The following DUSP10 variants were observed in gnomAD, a reference collection of about 807,000 sequenced individuals.
DUSP10 encodes dual specificity protein phosphatase 10.
Under a neutral mutation model 30.8 loss-of-function variants are expected in DUSP10, and 14 were observed. That is an observed-to-expected ratio of 0.46 (90% CI 0.30 to 0.71). The LOEUF (loss-of-function observed/expected upper bound fraction) is 0.71. Among genes scored for constraint, DUSP10 ranks in the 30% least tolerant of loss-of-function variants. The probability of loss-of-function intolerance (pLI) is 0.08; values close to 1 mark genes in which losing one functional copy is unlikely to be tolerated. For synonymous variants in DUSP10, 254 were observed against 250.4 expected (o/e 1.01, Z -0.14); for missense variants, 550 against 619.4 (o/e 0.89, Z 1.19).
At position 221,702,615 on chromosome 1, in the gene DUSP10, C is replaced by T. The variant is rs764241442; in HGVS notation, c.1246G>A (p.Ala416Thr). The T allele has an allele frequency of 2.5e-6, 4 of 1,614,072 alleles. No individual in the cohort carries two copies. The highest frequency in any genetic ancestry group is 1.7e-5 in the Admixed American group (1 of 60,012). ...ATCAAGTAAGCGATGACGATGGTGGCGGAGCGGGACACCCCAGCCTGGCAG... is the reference window on the plus strand; with the variant it reads ...ATCAAGTAAGCGATGACGATGGTGGTGGAGCGGGACACCCCAGCCTGGCAG... ...IHCQAGVSRS[A>T]TIVIAYLMKH... The change falls in exon 4 of 4, where the codon GCC (alanine) becomes ACC (threonine). Residue 416 changes from alanine (A) to threonine (T), a missense_variant. By Grantham distance (58) the Ala-to-Thr change is moderately conservative. Transcript: ENST00000366899. The surrounding 1 kb of genome is among the most constrained non-coding windows in gnomAD (Gnocchi z 4.5).
intron 2 of DUSP10, among the ~76,000 whole-genome samples, chr1:221,730,805 A>C (rs1441011347): frequency 1.3e-5 from 2 of 152,086 alleles, no homozygotes; most frequent in East Asian, 3.8e-4. Flanking sequence ...GAATGAAAAA[A>C]AATTACATAT....
chr1:221,721,945 GT>G (rs1661290679), intron 2 of DUSP10, among the ~76,000 whole-genome samples: 3 of 152,204 alleles, frequency 2.0e-5, no homozygotes, highest in Admixed American at 6.5e-5. Context: ...CTTAGATGTG[GT>G]AAGCAGTAAC....
At chr1:221,741,850 CTG>C (rs1661963491) in intron 1 of DUSP10, 129 bp downstream of exon 1, 2 of 152,670 alleles carry the variant, frequency 1.3e-5, no homozygotes, top group African/African-American at 2.4e-5. Context: ...CTTTCTGTCT[CTG>C]TCTCTCTCTC....
At chr1:221,739,956 G>C (rs1266204500) in intron 1 of DUSP10, among the ~76,000 whole-genome samples, 169 bp from the exon 2 acceptor site, 1 of 152,158 alleles carries the variant, frequency 6.6e-6, no homozygotes, top group Non-Finnish European at 1.5e-5. Context: ...ATTCAAAGAG[G>C]ATGCAAACCT....
At chr1:221,729,708 G>A (rs964129241) in intron 2 of DUSP10, among the ~76,000 whole-genome samples, 1 of 152,164 alleles carries the variant, frequency 6.6e-6, no homozygotes, top group Non-Finnish European at 1.5e-5. Context: ...GGGATGATAG[G>A]TTGGTCACAG....
At chr1:221,741,023 C>T (rs1012379569) in intron 1 of DUSP10, among the ~76,000 whole-genome samples, 1 of 152,078 alleles carries the variant, frequency 6.6e-6, no homozygotes, top group Non-Finnish European at 1.5e-5. Context: ...TACACACGAC[C>T]GTCACCATTC....
intron 2 of DUSP10, among the ~76,000 whole-genome samples, chr1:221,713,874 C>T (rs1661017037): frequency 6.6e-6 from 1 of 151,938 alleles, no homozygotes; most frequent in Admixed American, 6.6e-5. Context: ...GATAGGTGGT[C>T]AATTTCTTTT....
intron 2 of DUSP10, among the ~76,000 whole-genome samples, chr1:221,722,335 T>G (rs529858436): frequency 1.2e-4 from 19 of 152,320 alleles, no homozygotes; most frequent in African/African-American, 4.3e-4. Context: ...GTTCTGTACC[T>G]CTTCAGTTGG....
Position 221,741,983 on chromosome 1 carries a change from C to G in DUSP10, c.-46G>C, listed in dbSNP as rs1400887431. ...TAGTCGCGGTGACTTCCACTTACTTCATAAATAAGTGTATTCCTCCACCAT... is the reference window on the plus strand; with the variant it reads ...TAGTCGCGGTGACTTCCACTTACTTGATAAATAAGTGTATTCCTCCACCAT... On this transcript the variant is annotated splice_region_variant and 5_prime_UTR_variant, in exon 1 of 4. The change abolishes an upstream ATG in the 5' untranslated region. Transcript: ENST00000366899. 2.6e-5 allele frequency: 4 copies of G among 152,352 alleles called. No homozygotes were observed. The highest frequency in any genetic ancestry group is 9.6e-5 in the African/African-American group (4 of 41,470). The allele number at this position is 152,352 out of a possible 1,614,324, so 9.4% of individuals were successfully genotyped here.
intron 2 of DUSP10, among the ~76,000 whole-genome samples, chr1:221,716,195 A>T (rs1376616148): frequency 6.6e-6 from 1 of 152,208 alleles, no homozygotes; most frequent in Non-Finnish European, 1.5e-5. Context: ...TATTTGTTAG[A>T]CCTATTTTTA....
Position 221,739,354 on chromosome 1 carries a change from T to C in DUSP10, c.391A>G (p.Ser131Gly). The change falls in exon 2 of 4, where the codon AGT becomes GGT. Residue 131 changes from serine (S) to glycine (G), a missense_variant. Coordinates refer to ENST00000366899, the MANE Select transcript of DUSP10 (RefSeq NM_007207.6). ...CCTGACACAGGGCTGCCCACCCCAC[T>C]TGATGGACTTAGAGAGCCTGTATTC... The part of the protein sequence containing the change: ...NENTGSLSPS[S>G]GVGSPVSGTP... 1 of 1,614,102 alleles carries C rather than the reference T, an allele frequency of 6.2e-7. No homozygotes were observed. Among genetic ancestry groups the C allele is most frequent in the South Asian group, 1.1e-5 (1 of 91,076 alleles).
At chr1:221,710,589 G>A (rs1660906804) in intron 2 of DUSP10, among the ~76,000 whole-genome samples, 1 of 151,724 alleles carries the variant, frequency 6.6e-6, no homozygotes, top group Non-Finnish European at 1.5e-5. Context: ...ATGTTCCTGA[G>A]TTTTTACTTT....
intron 2 of DUSP10, among the ~76,000 whole-genome samples, chr1:221,720,055 G>A (rs371853926): frequency 5.3e-5 from 8 of 152,056 alleles, no homozygotes; most frequent in African/African-American, 1.2e-4. Flanking sequence ...TCCCTCTTCC[G>A]CAAACTCCCT....
rs1189859642 is a variant in DUSP10 at position 221,706,176 on chromosome 1, A to G, written c.1102T>C (p.Phe368Leu). The change falls in exon 3 of 4, where the codon TTC (phenylalanine) becomes CTC (leucine). Residue 368 changes from phenylalanine to leucine, a missense_variant. Physicochemically the swap from Phe to Leu is conservative, Grantham distance 22. Coordinates refer to ENST00000366899, the MANE Select transcript of DUSP10 (RefSeq NM_007207.6). This position sits in a 1 kb window ranked among gnomAD's most constrained non-coding sequence, Gnocchi z 4.6. ...LPLYHYEKGLFNYKRLPATDS... is the reference protein window; with the variant it reads ...LPLYHYEKGLLNYKRLPATDS... ...GTGGCTGGCAGCCGCTTGTAGTTGA[A>G]CAGGCCTTTCTCATAGTGGTAGAGG... is the stretch of plus-strand genomic sequence containing the variant. 2 of 1,614,054 alleles carry G rather than the reference A, an allele frequency of 1.2e-6. No individual in the cohort carries two copies. The highest frequency in any genetic ancestry group is 4.5e-5 in the East Asian group (2 of 44,864).
At chr1:221,732,785 G>C (rs143859598) in intron 2 of DUSP10, among the ~76,000 whole-genome samples, 247 of 152,262 alleles carry the variant, frequency 1.6e-3, no homozygotes, top group African/African-American at 5.7e-3. Flanking sequence ...ATCTTGATGT[G>C]CAGGCTGCAC....
chr1:221,736,086 G>A (rs1294485397), intron 2 of DUSP10, among the ~76,000 whole-genome samples: 1 of 152,148 alleles, frequency 6.6e-6, no homozygotes, highest in Non-Finnish European at 1.5e-5. Flanking sequence ...AATTAGAACA[G>A]TAACTTAATC....
chr1:221,735,825 C>T (rs1046875298), intron 2 of DUSP10, among the ~76,000 whole-genome samples: 12 of 152,152 alleles, frequency 7.9e-5, no homozygotes, highest in South Asian at 2.1e-4. Flanking sequence ...CGGTAGCTCT[C>T]GTTATGGATG....
chr1:221,717,177 C>A (rs1037335662), intron 2 of DUSP10, among the ~76,000 whole-genome samples: 2 of 152,064 alleles, frequency 1.3e-5, no homozygotes. Context: ...GGGACGGAAT[C>A]CAGGAGAACA....
At chr1:221,739,828 G>T (rs1021654993) in intron 1 of DUSP10, 41 bp from the exon 2 acceptor site, 4 of 1,479,420 alleles carry the variant, frequency 2.7e-6, no homozygotes, top group Non-Finnish European at 3.6e-6. Flanking sequence ...ATAAAGTCAC[G>T]TGACACAAAA....
Sources: allele counts gnomAD v4.1 joint callset (sites outside exome capture counted in the v4.1 genomes callset), GRCh38; gene constraint gnomAD v4.1.1; non-coding constraint Gnocchi (gnomAD v3.1); transcripts MANE v1.5; gene names NCBI Gene and HGNC (gene_info 2026-07-23, HGNC 2026-07-21).